Variants in KCNB2 observed in about 807,000 individuals in gnomAD.
The protein encoded by KCNB2 is potassium voltage-gated channel subfamily B member 2, also known as delayed rectifier potassium channel protein.
Under a neutral mutation model 61.5 loss-of-function variants are expected in KCNB2, and 15 were observed. The observed-to-expected ratio is 0.24, with a 90% CI of 0.16 to 0.38. The LOEUF (loss-of-function observed/expected upper bound fraction) is 0.38, where lower values mean the gene tolerates loss of function less well. KCNB2 is among the 10% of genes least tolerant of loss of function. The pLI, the probability that KCNB2 is intolerant of heterozygous loss-of-function variation, is 1.00. For synonymous variants in KCNB2, 457 were observed against 446.0 expected (o/e 1.02, Z -0.31); for missense variants, 828 against 1,125.2 (o/e 0.74, Z 3.78).
chr8:72,873,979 A>G (rs769071389), intron 2 of KCNB2, among the ~76,000 whole-genome samples: 1 of 152,230 alleles, frequency 6.6e-6, no homozygotes, highest in Non-Finnish European at 1.5e-5. Context: ...ATAGAGTGTC[A>G]TTTACAGTTT....
chr8:72,592,857 A>T (rs1807123633), intron 2 of KCNB2, among the ~76,000 whole-genome samples: 6 of 152,180 alleles, frequency 3.9e-5, no homozygotes, highest in Admixed American at 3.9e-4. Context: ...AACCTAATGT[A>T]ACATACCTTG....
chr8:72,928,810 G>C (rs1470208164), intron 2 of KCNB2, among the ~76,000 whole-genome samples: 1 of 150,834 alleles, frequency 6.6e-6, no homozygotes, highest in Non-Finnish European at 1.5e-5. Context: ...AAACTAGATA[G>C]TTCAGTCCTA....
intron 2 of KCNB2, among the ~76,000 whole-genome samples, chr8:72,749,647 A>T (rs990479821): frequency 6.6e-6 from 1 of 150,644 alleles, no homozygotes; most frequent in African/African-American, 2.4e-5. Context: ...TTTTACACCC[A>T]AAAAACCATG....
chr8:72,754,794 G>A (rs1445723396), intron 2 of KCNB2, among the ~76,000 whole-genome samples: 1 of 152,154 alleles, frequency 6.6e-6, no homozygotes, highest in Non-Finnish European at 1.5e-5. Context: ...AACACATTCA[G>A]TTGAAAAATC....
chr8:72,685,615 G>A (rs1420020079), intron 2 of KCNB2, among the ~76,000 whole-genome samples: 1 of 152,144 alleles, frequency 6.6e-6, no homozygotes, highest in Non-Finnish European at 1.5e-5. Context: ...CATAGAAGAG[G>A]AATGTTGAAG....
At chr8:72,923,864 A>T (rs1806581843) in intron 2 of KCNB2, among the ~76,000 whole-genome samples, 1 of 152,216 alleles carries the variant, frequency 6.6e-6, no homozygotes, top group African/African-American at 2.4e-5. Flanking sequence ...TTATCTTAAA[A>T]ATGTAGTTAA....
At chr8:72,606,022 C>T (rs962739081) in intron 2 of KCNB2, among the ~76,000 whole-genome samples, 2 of 151,926 alleles carry the variant, frequency 1.3e-5, no homozygotes, top group African/African-American at 4.8e-5. Context: ...TGTACACTGG[C>T]AAAGATTGCA....
At chr8:72,596,467 C>T (rs1807191931) in intron 2 of KCNB2, among the ~76,000 whole-genome samples, 1 of 152,172 alleles carries the variant, frequency 6.6e-6, no homozygotes, top group South Asian at 2.1e-4. Context: ...TAGTCTCTTA[C>T]TGGGATGCTG....
At chr8:72,680,196 AC>A (rs1806728778) in intron 2 of KCNB2, among the ~76,000 whole-genome samples, 2 of 152,182 alleles carry the variant, frequency 1.3e-5, no homozygotes, top group Non-Finnish European at 2.9e-5. Flanking sequence ...CAGGGAATGA[AC>A]CATTTGAGGT....
intron 2 of KCNB2, among the ~76,000 whole-genome samples, chr8:72,729,298 A>G (rs1046487398): frequency 1.3e-5 from 2 of 152,158 alleles, no homozygotes; most frequent in East Asian, 1.9e-4. Context: ...TCCATTTTCT[A>G]TTTTTTTAAT....
chr8:72,825,951 T>C (rs1302845333), intron 2 of KCNB2, among the ~76,000 whole-genome samples: 1 of 152,214 alleles, frequency 6.6e-6, no homozygotes, highest in Non-Finnish European at 1.5e-5. Context: ...TTTGGTGTCA[T>C]ATTAAAGAAA....
At position 72,713,683 on chromosome 8, in the gene KCNB2, A is replaced by G. The variant is rs564328387; in HGVS notation, c.579+145370A>G. On this transcript the variant is annotated intron_variant, in intron 2 of 2. Coordinates refer to ENST00000523207, the MANE Select transcript of KCNB2 (RefSeq NM_004770.3). ...GTACATCACCATCATCAAAGACCAA[A>G]GGTAGATAAAACCGCAAAGATGGGG... Among the ~76,000 whole-genome samples, 51 of 152,354 alleles carry G rather than the reference A, an allele frequency of 3.3e-4. 1 individual carries two copies. The South Asian group carries it at 9.9e-3, about 30-fold the overall frequency.
intron 2 of KCNB2, among the ~76,000 whole-genome samples, chr8:72,692,359 G>A (rs1400888606): frequency 6.6e-6 from 1 of 152,022 alleles, no homozygotes; most frequent in East Asian, 1.9e-4. Flanking sequence ...GAGGTAGGAT[G>A]GGGAATTATA....
intron 2 of KCNB2, among the ~76,000 whole-genome samples, chr8:72,701,976 AT>A (rs1194294278): frequency 2.6e-5 from 4 of 152,282 alleles, no homozygotes; most frequent in African/African-American, 9.6e-5. Context: ...AAAGATTAAG[AT>A]TACAGGAAAT....
chr8:72,705,308 G>T (rs762699363), intron 2 of KCNB2, among the ~76,000 whole-genome samples: 21 of 152,184 alleles, frequency 1.4e-4, no homozygotes, highest in Non-Finnish European at 2.4e-4. Context: ...GCTTAATAAA[G>T]TTGTCTAAGC....
At chr8:72,571,861 C>T (rs1017505442) in intron 2 of KCNB2, among the ~76,000 whole-genome samples, 1 of 152,164 alleles carries the variant, frequency 6.6e-6, no homozygotes, top group Non-Finnish European at 1.5e-5. Flanking sequence ...TTGACTTGAT[C>T]CTGTACCTCT....
In KCNB2 at chr8:72,936,185, A is replaced by T. The variant is rs770993770; in HGVS notation, c.830A>T (p.Tyr277Phe). ...NVIDLLAILP[Y>F]YVTIFLTESN... ...ATTGATTTGCTGGCCATCTTGCCGT[A>T]CTATGTCACCATTTTTCTGACGGAG... Residue 277 changes from tyrosine (Y) to phenylalanine (F), a missense_variant, in exon 3 of 3, where the codon TAC (tyrosine) becomes TTC (phenylalanine). This residue lies in a region of KCNB2 where 163 missense variants were observed against 314.4 expected (regional missense o/e 0.52). Transcript: ENST00000523207. This position sits in a 1 kb window ranked among gnomAD's most constrained non-coding sequence, Gnocchi z 5.6. 1 of 1,614,238 alleles carries T rather than the reference A, an allele frequency of 6.2e-7. No individual in the cohort carries two copies. Among genetic ancestry groups the T allele is most frequent in the Admixed American group, 1.7e-5 (1 of 60,032 alleles).
intron 2 of KCNB2, among the ~76,000 whole-genome samples, chr8:72,673,269 C>G (rs1330799912): frequency 6.6e-6 from 1 of 152,182 alleles, no homozygotes; most frequent in Non-Finnish European, 1.5e-5. Flanking sequence ...CCCCGCATGT[C>G]ATGGGAGGGA....
chr8:72,644,492 C>T (rs544977288), intron 2 of KCNB2, among the ~76,000 whole-genome samples: 1 of 152,244 alleles, frequency 6.6e-6, no homozygotes, highest in Admixed American at 6.5e-5. Flanking sequence ...CCCCAAGTAT[C>T]GCCACCATTC....
Sources: gnomAD v4.1 joint callset for allele counts (sites outside exome capture counted in the v4.1 genomes callset) on GRCh38, gnomAD v4.1.1 for gene constraint, gnomAD v4.1.1 regional missense constraint, Gnocchi (gnomAD v3.1) non-coding constraint, MANE v1.5 for transcripts, NCBI Gene and HGNC (gene_info 2026-07-23, HGNC 2026-07-21) for gene names.